Variants in CHL1 observed in about 807,000 individuals in gnomAD.
CHL1 encodes the protein neural cell adhesion molecule L1-like protein.
Under a neutral mutation model 141.9 loss-of-function variants are expected in CHL1, and 96 were observed. The ratio of observed to expected loss-of-function variants is 0.68; its 90% CI spans 0.57 to 0.80. The LOEUF (loss-of-function observed/expected upper bound fraction) is 0.80. Ranked by LOEUF, CHL1 falls within the 30% of genes least tolerant of loss-of-function variation. The pLI, the probability that CHL1 is intolerant of heterozygous loss-of-function variation, is 0.00. For missense variants in CHL1, 1,820 were observed against 1,457.2 expected (o/e 1.25, Z -4.05); for synonymous variants, 613 against 502.2 (o/e 1.22, Z -2.95).
chr3:391,656 T>G lies in CHL1; in HGVS notation c.2792-19T>G. 6.4e-7 allele frequency: 1 copy of G among 1,572,438 alleles called. No homozygotes were observed. The highest frequency in any genetic ancestry group is 8.6e-7 in the Non-Finnish European group (1 of 1,156,194). On this transcript the variant is annotated intron_variant, in intron 22 of 27. Transcript: ENST00000256509. ...TTTTCTAATTGATGTGAGTTTATTT[T>G]TGGTCTTGTGTTTTCTAGTACCTGA...
intron 1 of CHL1, among the ~76,000 whole-genome samples, chr3:219,091 G>C (rs972312190): frequency 3.9e-5 from 6 of 152,030 alleles, no homozygotes; most frequent in African/African-American, 1.4e-4. Flanking sequence ...GGAGCTTGCA[G>C]TGAGCCGAGA....
At chr3:261,864 T>C (rs1694757927) in intron 2 of CHL1, among the ~76,000 whole-genome samples, 1 of 152,160 alleles carries the variant, frequency 6.6e-6, no homozygotes, top group African/African-American at 2.4e-5. Flanking sequence ...ATATATGTTC[T>C]TAATAACTTC....
At chr3:378,528 A>G (rs529790885) in intron 16 of CHL1, among the ~76,000 whole-genome samples, 6 of 152,218 alleles carry the variant, frequency 3.9e-5, no homozygotes, top group Non-Finnish European at 8.8e-5. Flanking sequence ...ACCAATGTTT[A>G]AAGCTCTTAG....
rs148833018 is a variant in CHL1, at chr3:343,257, A to G, written c.727+226A>G. On this transcript the variant is annotated intron_variant, in intron 8 of 27. Transcript: ENST00000256509. ...TAAATATAATGAAATACTTATATATAATGCATTGAATAGACAGATAGAGAT... is the reference window on the plus strand; with the variant it reads ...TAAATATAATGAAATACTTATATATGATGCATTGAATAGACAGATAGAGAT... Among the ~76,000 whole-genome samples the G allele has an allele frequency of 3.1e-3, 474 of 152,310 alleles. 5 individuals carry two copies. Among genetic ancestry groups the G allele is most frequent in the African/African-American group, 0.011 (441 of 41,582 alleles).
At chr3:243,179 T>C (rs1239329984) in intron 1 of CHL1, among the ~76,000 whole-genome samples, 1 of 152,218 alleles carries the variant, frequency 6.6e-6, no homozygotes, top group African/African-American at 2.4e-5. Context: ...GGTCAGCAAA[T>C]CTCATTTTGA....
At chr3:277,450 T>A (rs55990224) in intron 2 of CHL1, among the ~76,000 whole-genome samples, 3 of 152,244 alleles carry the variant, frequency 2.0e-5, no homozygotes, top group Non-Finnish European at 4.4e-5. Flanking sequence ...ATTTGACAAC[T>A]GGCAGAAGAA....
chr3:394,590 TG>T, intron 23 of CHL1, 102 bp from the exon 24 acceptor site: 1 of 784,134 alleles, frequency 1.3e-6, no homozygotes, highest in Admixed American at 2.6e-5. Context: ...GAATCATTAA[TG>T]TATCTTTACG....
In CHL1 at chr3:363,252, G is replaced by T. The variant is rs1460788777; in HGVS notation, c.1454G>T (p.Arg485Met). 6.2e-6 allele frequency: 10 copies of T among 1,613,362 alleles called. No individual in the cohort carries two copies. The highest frequency in any genetic ancestry group is 7.6e-6 in the Non-Finnish European group (9 of 1,179,640). ...KVEEVKPLEG[R>M]RYHIYENGTL... ...GAAGAAGTGAAACCCCTGGAGGGCA[G>T]GCGGTATCATATCTATGAAAATGGC... Residue 485 changes from arginine to methionine, a missense_variant, in exon 14 of 28, where the codon AGG (arginine) becomes ATG (methionine). Transcript: ENST00000256509.
intron 5 of CHL1, among the ~76,000 whole-genome samples, chr3:334,750 T>G (rs999068605): frequency 6.6e-6 from 1 of 152,216 alleles, no homozygotes; most frequent in African/African-American, 2.4e-5. Context: ...CTGGGGTTAT[T>G]AAAGCATTTA....
In CHL1 at chr3:281,609, G is replaced by C. The variant is rs540903964; in HGVS notation, c.-95+36917G>C. ...AAGTCCCACTCTGTCGCCCAGGCTGGAATGCAGTGGCACAATCTCAGCTTA... is the reference window on the plus strand; with the variant it reads ...AAGTCCCACTCTGTCGCCCAGGCTGCAATGCAGTGGCACAATCTCAGCTTA... On this transcript the variant is annotated intron_variant, in intron 2 of 27. Coordinates refer to ENST00000256509, the MANE Select transcript of CHL1 (RefSeq NM_006614.4). 8.7e-5 allele frequency among the ~76,000 whole-genome samples: 13 copies of C among 149,364 alleles called. 1 individual carries two copies. The highest frequency in any genetic ancestry group is 7.3e-4 in the Admixed American group (11 of 15,008).
chr3:252,057 C>G (rs570589372), intron 2 of CHL1, among the ~76,000 whole-genome samples: 28 of 152,054 alleles, frequency 1.8e-4, no homozygotes, highest in Non-Finnish European at 3.4e-4. Context: ...CCACCACAAA[C>G]TTAGAGACCA....
At chr3:373,351 GTCAGGGTCAGGCCTGAAAAGGCAC>G (rs547591471) in intron 15 of CHL1, among the ~76,000 whole-genome samples, 158 of 152,334 alleles carry the variant, frequency 1.0e-3, no homozygotes, top group African/African-American at 3.5e-3. Context: ...GGAATGATGG[GTCAGGGTCAGGCCTGAAAAGGCAC>G]TCAGGGTCAG....
intron 2 of CHL1, among the ~76,000 whole-genome samples, chr3:258,650 T>C (rs1356771926): frequency 6.6e-6 from 1 of 152,220 alleles, no homozygotes; most frequent in Non-Finnish European, 1.5e-5. Context: ...AGTCCCTTTT[T>C]CCATCTTCGG....
At chr3:198,718 C>A (rs903332633) in intron 1 of CHL1, among the ~76,000 whole-genome samples, 1 of 152,196 alleles carries the variant, frequency 6.6e-6, no homozygotes, top group Admixed American at 6.5e-5. Context: ...TTAGTTAATC[C>A]TCAGTTTAAT....
intron 1 of CHL1, among the ~76,000 whole-genome samples, chr3:221,188 A>G (rs1188893172): frequency 3.3e-5 from 5 of 152,206 alleles, no homozygotes; most frequent in African/African-American, 1.2e-4. Context: ...AATGGATAAA[A>G]CCAAGCTGTA....
chr3:329,681 TA>T (rs544649270), intron 5 of CHL1, among the ~76,000 whole-genome samples: 23 of 151,534 alleles, frequency 1.5e-4, no homozygotes, highest in Non-Finnish European at 2.4e-4. Flanking sequence ...TGCTCTGAGT[TA>T]AAAAAAAGCT....
At chr3:383,490 AT>A (rs1394386105) in intron 18 of CHL1, among the ~76,000 whole-genome samples, 18 of 152,038 alleles carry the variant, frequency 1.2e-4, no homozygotes, top group South Asian at 4.2e-4. Flanking sequence ...TTAAATTAAA[AT>A]TTTTTTTTAA....
rs1019583180 is a variant in CHL1, at chr3:405,822, A to T, written c.*111A>T. On this transcript the variant is annotated 3_prime_UTR_variant, in exon 28 of 28. Transcript: ENST00000256509. Reference sequence around the variant, plus strand: ...TAGAAACATGCTGGCCGAAGATTTCATCCAGAAGTCAACATCCTGCAATTA... The same window carrying T: ...TAGAAACATGCTGGCCGAAGATTTCTTCCAGAAGTCAACATCCTGCAATTA... 2.2e-5 allele frequency: 16 copies of T among 730,734 alleles called. No homozygotes were observed. In the South Asian group the frequency reaches 2.9e-4, roughly 13 times the overall value. 45.3% of individuals were successfully genotyped at this position (730,734 alleles called of 1,614,324 possible).
intron 1 of CHL1, among the ~76,000 whole-genome samples, chr3:218,347 A>G (rs1028060405): frequency 6.6e-6 from 1 of 152,228 alleles, no homozygotes; most frequent in African/African-American, 2.4e-5. Flanking sequence ...ATTATTGATC[A>G]TAAGCATGAT....
Sources: allele counts gnomAD v4.1 joint callset (sites outside exome capture counted in the v4.1 genomes callset), GRCh38; gene constraint gnomAD v4.1.1; transcripts MANE v1.5; gene names NCBI Gene and HGNC (gene_info 2026-07-23, HGNC 2026-07-21).